Variants in CARS1 observed in about 807,000 individuals in gnomAD.
CARS1 encodes cysteinyl-tRNA synthetase 1.
Under a neutral mutation model 106.2 loss-of-function variants are expected in CARS1, and 48 were observed. The observed-to-expected ratio is 0.45, with a 90% CI of 0.36 to 0.57. The LOEUF is 0.57. Ranked by LOEUF, CARS1 falls within the 20% of genes least tolerant of loss-of-function variation. CARS1 has a pLI of 0.00. For synonymous variants in CARS1, 409 were observed against 403.4 expected (o/e 1.01, Z -0.17); for missense variants, 968 against 1,057.2 (o/e 0.92, Z 1.17).
intron 17 of CARS1, among the ~76,000 whole-genome samples, chr11:3,013,707 G>C (rs1392043001): frequency 6.6e-6 from 1 of 151,982 alleles, no homozygotes; most frequent in Non-Finnish European, 1.5e-5. Context: ...AAAAAAATTA[G>C]CCGGGCATGG....
chr11:3,014,479 G>A (rs898955833), intron 17 of CARS1, among the ~76,000 whole-genome samples: 20 of 152,230 alleles, frequency 1.3e-4, no homozygotes, highest in African/African-American at 4.3e-4. Context: ...ATGCGGATGC[G>A]TGTCCACAGC....
In CARS1 at chr11:3,040,423, C is replaced by T; in HGVS notation, c.455+473G>A. The T allele has an allele frequency of 4.7e-6, 2 of 425,732 alleles. No individual in the cohort carries two copies. Among genetic ancestry groups the T allele is most frequent in the Admixed American group, 5.6e-5 (2 of 35,580 alleles). 26.4% of individuals were successfully genotyped at this position (425,732 alleles called of 1,614,324 possible). ...TGGCACTGCAACTAAAACATGAACACATAAAAGGACTCTGTGGCATTTACC... is the reference window on the plus strand; with the variant it reads ...TGGCACTGCAACTAAAACATGAACATATAAAAGGACTCTGTGGCATTTACC... On this transcript the variant is annotated intron_variant, in intron 4 of 22. Coordinates refer to ENST00000380525, the MANE Select transcript of CARS1 (RefSeq NM_001014437.3). The surrounding 1 kb of genome is among the most constrained non-coding windows in gnomAD (Gnocchi z 5.8).
At position 3,053,070 on chromosome 11, in the gene CARS1, T is replaced by C. The variant is rs75129381; in HGVS notation, c.25+4273A>G. 6.4e-3 allele frequency among the ~76,000 whole-genome samples: 973 copies of C among 152,246 alleles called. 10 individuals are homozygous for C. Among genetic ancestry groups the C allele is most frequent in the African/African-American group, 0.022 (920 of 41,536 alleles). On this transcript the variant is annotated intron_variant, in intron 1 of 22. Coordinates refer to ENST00000380525, the MANE Select transcript of CARS1 (RefSeq NM_001014437.3). The surrounding 1 kb of genome is among the most constrained non-coding windows in gnomAD (Gnocchi z 6.6). The stretch of plus-strand genomic sequence containing the variant: ...AGTCTCTACAGAACATTTATTGAAA[T>C]CACATGCAAGTACCAAGCAATTGCT...
In CARS1 at chr11:3,039,554, A is replaced by G. The variant is rs1854149385; in HGVS notation, c.553-262T>C. ...GGGGCCCCAGCTTCCCCTGCAAGCC[A>G]CATGTCGAAGTGCGTGCTGTGGGAG... On this transcript the variant is annotated intron_variant, in intron 5 of 22. Transcript: ENST00000380525. The surrounding 1 kb of genome is among the most constrained non-coding windows in gnomAD (Gnocchi z 5.6). Among the ~76,000 whole-genome samples, 1 of 152,196 alleles carries G rather than the reference A, an allele frequency of 6.6e-6. No homozygotes were observed.
Position 3,032,001 on chromosome 11 carries a change from TCCCTCCCTCCCTCCCTCCC to T in CARS1, c.802-2577_802-2559del, listed in dbSNP as rs1565074448. 9.4e-3 allele frequency among the ~76,000 whole-genome samples: 123 copies of T among 13,138 alleles called. 23 individuals are homozygous for T. The highest frequency in any genetic ancestry group is 0.016 in the African/African-American group (74 of 4,492). 8.6% of individuals were successfully genotyped at this position (13,138 alleles called of 152,430 possible). The stretch of plus-strand genomic sequence containing the variant: ...TTTTCTTTCTCCTTCCTTCCTTCCC[TCCCTCCCTCCCTCCCTCCC>T]TCCCTCCCTCCCTCCCTCCCTCCCT... On this transcript the variant is annotated intron_variant, in intron 7 of 22. Transcript: ENST00000380525.
intron 18 of CARS1, among the ~76,000 whole-genome samples, chr11:3,010,025 G>A (rs1159243756): frequency 1.3e-5 from 2 of 152,174 alleles, no homozygotes; most frequent in African/African-American, 2.4e-5. Flanking sequence ...TGATGTACAG[G>A]GTAGGGATCA....
Position 3,029,210 on chromosome 11 carries a change from G to T in CARS1, c.942+93C>A. On this transcript the variant is annotated intron_variant, in intron 8 of 22. Coordinates refer to ENST00000380525, the MANE Select transcript of CARS1 (RefSeq NM_001014437.3). The surrounding 1 kb of genome is among the most constrained non-coding windows in gnomAD (Gnocchi z 5.9). ...TCAACTCAAGTTCAATGTTGACTTG[G>T]CCGCTTAATTGAGCTGGCCTTGCCA... is the stretch of plus-strand genomic sequence containing the variant. The T allele has an allele frequency of 6.7e-7, 1 of 1,498,976 alleles. No individual in the cohort carries two copies. Among genetic ancestry groups the T allele is most frequent in the Non-Finnish European group, 9.3e-7 (1 of 1,079,936 alleles). The allele number at this position is 1,498,976 out of a possible 1,614,324, so 92.9% of individuals were successfully genotyped here.
chr11:3,037,994 T>C lies in CARS1; in HGVS notation c.801+56A>G, dbSNP rs1853898423. On this transcript the variant is annotated intron_variant, in intron 7 of 22. Transcript: ENST00000380525. This position sits in a 1 kb window ranked among gnomAD's most constrained non-coding sequence, Gnocchi z 5.9. ...CAATCCGTGCACACAGATCAGTCTA[T>C]GCACGGCCCGACATTTGACCCGAAC... is the stretch of plus-strand genomic sequence containing the variant. 3.2e-6 allele frequency: 5 copies of C among 1,553,114 alleles called. No homozygotes were observed. The highest frequency in any genetic ancestry group is 2.7e-5 in the African/African-American group (2 of 73,588).
chr11:3,005,049 AG>A (rs1849722906), intron 20 of CARS1, among the ~76,000 whole-genome samples: 1 of 146,378 alleles, frequency 6.8e-6, no homozygotes, highest in Non-Finnish European at 1.5e-5. Flanking sequence ...TGGAGGTTGC[AG>A]TGAGCCAAGA....
intron 2 of CARS1, among the ~76,000 whole-genome samples, chr11:3,042,986 T>G (rs1854681326): frequency 6.6e-6 from 1 of 152,124 alleles, no homozygotes; most frequent in Non-Finnish European, 1.5e-5. Context: ...CCCAGCAGAC[T>G]CTGATCCAGA....
rs1341582974 is a variant in CARS1 at position 3,008,587 on chromosome 11, C to G, written c.2069-1628G>C. On this transcript the variant is annotated intron_variant, in intron 18 of 22. Coordinates refer to ENST00000380525, the MANE Select transcript of CARS1 (RefSeq NM_001014437.3). This position sits in a 1 kb window ranked among gnomAD's most constrained non-coding sequence, Gnocchi z 5.1. Reference sequence around the variant, plus strand: ...TGGGCCAAGATGACACCACTGCACTCCAGCCTAGCGACAGGGCAAGACTCC... The same window carrying G: ...TGGGCCAAGATGACACCACTGCACTGCAGCCTAGCGACAGGGCAAGACTCC... 2 of 150,928 alleles carry G rather than the reference C, an allele frequency of 1.3e-5. No individual in the cohort carries two copies. The highest frequency in any genetic ancestry group is 2.4e-5 in the African/African-American group (1 of 40,966). 9.3% of individuals were successfully genotyped at this position (150,928 alleles called of 1,614,324 possible).
rs1354638872 is a variant in CARS1 at position 3,004,208 on chromosome 11, C to T, written c.2217+1158G>A. On this transcript the variant is annotated intron_variant, in intron 20 of 22. Transcript: ENST00000380525. The surrounding 1 kb of genome is among the most constrained non-coding windows in gnomAD (Gnocchi z 5.2). ...GGCAAGCCCAGCTCTTCCCAACCTG[C>T]CAACCAGGATGGACCTGCAGACCAC... Among the ~76,000 whole-genome samples, 1 of 152,200 alleles carries T rather than the reference C, an allele frequency of 6.6e-6. No individual in the cohort carries two copies. Among genetic ancestry groups the T allele is most frequent in the Admixed American group, 6.5e-5 (1 of 15,290 alleles).
At position 3,039,762 on chromosome 11, in the gene CARS1, C is replaced by A; in HGVS notation, c.552+73G>T. 1 of 730,486 alleles carries A rather than the reference C, an allele frequency of 1.4e-6. No individual in the cohort carries two copies. Among genetic ancestry groups the A allele is most frequent in the Non-Finnish European group, 2.3e-6 (1 of 441,794 alleles). The allele number at this position is 730,486 out of a possible 1,614,324, so 45.3% of individuals were successfully genotyped here. On this transcript the variant is annotated intron_variant, in intron 5 of 22. Transcript: ENST00000380525. The surrounding 1 kb of genome is among the most constrained non-coding windows in gnomAD (Gnocchi z 5.6). ...AGCTAGCTCAAGCCTACATTATTTA[C>A]TTATGCGAAAGTTCTATCTTCTTTT...
intron 2 of CARS1, among the ~76,000 whole-genome samples, chr11:3,042,486 G>A (rs752523809): frequency 3.3e-5 from 5 of 151,898 alleles, no homozygotes; most frequent in Non-Finnish European, 5.9e-5. Flanking sequence ...GTGCAGTGGT[G>A]TGATCTCGGC....
intron 17 of CARS1, among the ~76,000 whole-genome samples, chr11:3,015,335 T>C (rs1001029638): frequency 3.3e-5 from 5 of 152,214 alleles, no homozygotes; most frequent in Admixed American, 2.0e-4. Context: ...CCCAGCCCCA[T>C]GGGGACCGAG....
Position 3,029,059 on chromosome 11 carries a change from C to T in CARS1, c.968G>A (p.Arg323Gln), listed in dbSNP as rs1329198532. ...LNVLPPDVLTRVSEYVPEIVN... is the reference protein window; with the variant it reads ...LNVLPPDVLTQVSEYVPEIVN... ...AATTTCTGGCACATACTCACTAACC[C>T]GGGTTAAGACATCTGGAGGGAGAAC... The change falls in exon 9 of 23, where the codon CGG (arginine) becomes CAG (glutamine). Residue 323 changes from arginine (R) to glutamine (Q), a missense_variant. Transcript: ENST00000380525. This position sits in a 1 kb window ranked among gnomAD's most constrained non-coding sequence, Gnocchi z 5.9. 1.9e-6 allele frequency: 3 copies of T among 1,613,718 alleles called. No homozygotes were observed. The highest frequency in any genetic ancestry group is 2.2e-5 in the East Asian group (1 of 44,876).
Position 3,039,119 on chromosome 11 carries a change from G to C in CARS1, c.651+75C>G. ...AGCCTGTGAGACTGACACTACCCTA[G>C]GGACAGTAGCCTACAAAGGACCGAG... On this transcript the variant is annotated intron_variant, in intron 6 of 22. Coordinates refer to ENST00000380525, the MANE Select transcript of CARS1 (RefSeq NM_001014437.3). The surrounding 1 kb of genome is among the most constrained non-coding windows in gnomAD (Gnocchi z 5.6). 3 of 918,250 alleles carry C rather than the reference G, an allele frequency of 3.3e-6. No individual in the cohort carries two copies. Among genetic ancestry groups the C allele is most frequent in the African/African-American group, 1.6e-5 (1 of 61,222 alleles). The allele number at this position is 918,250 out of a possible 1,614,324, so 56.9% of individuals were successfully genotyped here.
intron 19 of CARS1, among the ~76,000 whole-genome samples, chr11:3,006,432 C>T (rs1432413262): frequency 6.6e-6 from 1 of 152,066 alleles, no homozygotes; most frequent in African/African-American, 2.4e-5. Context: ...GGCGACAGAG[C>T]GAAACTCTGT....
At position 3,003,241 on chromosome 11, in the gene CARS1, T is replaced by C. The variant is rs1311972672; in HGVS notation, c.2218-641A>G. Among the ~76,000 whole-genome samples, 1 of 152,188 alleles carries C rather than the reference T, an allele frequency of 6.6e-6. No homozygotes were observed. Among genetic ancestry groups the C allele is most frequent in the Non-Finnish European group, 1.5e-5 (1 of 68,040 alleles). On this transcript the variant is annotated intron_variant, in intron 20 of 22. Coordinates refer to ENST00000380525, the MANE Select transcript of CARS1 (RefSeq NM_001014437.3). The surrounding 1 kb of genome is among the most constrained non-coding windows in gnomAD (Gnocchi z 4.8). The stretch of plus-strand genomic sequence containing the variant: ...GCCTGAGCCATTGCACGAACAGACA[T>C]GCCCTCCACTGACGGAAAAGGAGCA...
Sources: gnomAD v4.1 joint callset for allele counts (sites outside exome capture counted in the v4.1 genomes callset) on GRCh38, gnomAD v4.1.1 for gene constraint, Gnocchi (gnomAD v3.1) non-coding constraint, MANE v1.5 for transcripts, NCBI Gene and HGNC (gene_info 2026-07-23, HGNC 2026-07-21) for gene names.